NUP98: variants seen among roughly 807,000 people sequenced by gnomAD.
The protein encoded by NUP98 is nuclear pore complex protein Nup98-Nup96.
In NUP98, 26 loss-of-function variants were observed where a neutral mutation model predicts 191.9. The ratio of observed to expected loss-of-function variants is 0.14; its 90% CI spans 0.10 to 0.19. NUP98 has a LOEUF of 0.19. Among genes scored for constraint, NUP98 ranks in the 10% least tolerant of loss-of-function variants. NUP98 has a pLI of 1.00. For missense variants in NUP98, 1,941 were observed against 2,178.8 expected (o/e 0.89, Z 2.17); for synonymous variants, 808 against 778.4 (o/e 1.04, Z -0.63).
intron 1 of NUP98, 43 bp downstream of exon 1, chr11:3,797,357 A>C: frequency 2.5e-6 from 1 of 400,410 alleles, no homozygotes; most frequent in Non-Finnish European, 4.4e-6. Flanking sequence ...AGGGGGGAGA[A>C]ACCTGCCGGT....
chr11:3,751,385 A>C (rs181003697), intron 11 of NUP98, among the ~76,000 whole-genome samples: 28 of 152,160 alleles, frequency 1.8e-4, no homozygotes, highest in African/African-American at 6.3e-4. Context: ...TATAATCCTA[A>C]ACCCTAAATA....
chr11:3,741,259 G>T (rs1325673308), intron 12 of NUP98, among the ~76,000 whole-genome samples: 1 of 152,080 alleles, frequency 6.6e-6, no homozygotes, highest in East Asian at 1.9e-4. Context: ...CAAAAAAACT[G>T]TATCTAAGAA....
chr11:3,776,334 G>A (rs276887), intron 4 of NUP98, among the ~76,000 whole-genome samples: 51,745 of 151,058 alleles, frequency 0.34, 9,432 homozygotes, highest in African/African-American at 0.46. Flanking sequence ...CATGTTGCTC[G>A]GGCTAGTCTC....
At chr11:3,754,544 T>C (rs763803935) in intron 10 of NUP98, among the ~76,000 whole-genome samples, 7 of 152,202 alleles carry the variant, frequency 4.6e-5, no homozygotes, top group Non-Finnish European at 8.8e-5. Context: ...TTATTTTGAA[T>C]AGATGAACCT....
intron 25 of NUP98, among the ~76,000 whole-genome samples, chr11:3,696,443 A>G (rs2078508517): frequency 1.3e-5 from 2 of 152,088 alleles, no homozygotes; most frequent in Admixed American, 1.3e-4. Flanking sequence ...CAGAAGTTGC[A>G]GTAAACAGAG....
In NUP98 at chr11:3,702,963, C is replaced by CA; in HGVS notation, c.3083-72dup. Reference sequence around the variant, plus strand: ...CAAGCTATTGTTTCTTGAACAATAACAAAAATCAGTAAGGCTGAAATCATT... The same window carrying CA: ...CAAGCTATTGTTTCTTGAACAATAACAAAAAATCAGTAAGGCTGAAATCATT... On this transcript the variant is annotated intron_variant, in intron 22 of 32. Transcript: ENST00000324932. 2 of 1,258,040 alleles carry CA rather than the reference C, an allele frequency of 1.6e-6. 1 individual carries two copies. The highest frequency in any genetic ancestry group is 2.9e-5 in the South Asian group (2 of 68,884). 77.9% of individuals were successfully genotyped at this position (1,258,040 alleles called of 1,614,324 possible).
At chr11:3,761,125 G>C (rs974303220) in intron 9 of NUP98, among the ~76,000 whole-genome samples, 5 of 152,200 alleles carry the variant, frequency 3.3e-5, no homozygotes, top group Non-Finnish European at 7.3e-5. Flanking sequence ...CAAATCCATA[G>C]AGAGAAAGTA....
rs201001086 is a variant in NUP98, at chr11:3,779,171, A to C, written c.163T>G (p.Ser55Ala). The stretch of plus-strand genomic sequence containing the variant: ...AAGCCCCTACCTGGTTTAGTCTGTG[A>C]ATTTCCAAAGAGGCCTCCAGTATTG... Reference protein sequence around the residue: ...SNNTGGLFGNSQTKPGGLFGT... With the variant: ...SNNTGGLFGNAQTKPGGLFGT... The change falls in exon 3 of 33, where the codon TCA (serine) becomes GCA (alanine). Residue 55 changes from serine to alanine, a missense_variant. Physicochemically the swap from Ser to Ala is moderately conservative, Grantham distance 99. Transcript: ENST00000324932. 8.1e-6 allele frequency: 13 copies of C among 1,614,054 alleles called. No individual in the cohort carries two copies. The highest frequency in any genetic ancestry group is 1.1e-5 in the Non-Finnish European group (13 of 1,180,010).
chr11:3,678,862 C>T (rs897178639), intron 31 of NUP98, among the ~76,000 whole-genome samples: 14 of 152,144 alleles, frequency 9.2e-5, no homozygotes, highest in African/African-American at 3.1e-4. Context: ...AAGCTCATGC[C>T]TGTAATCCCA....
In NUP98 at chr11:3,712,621, T is replaced by C. The variant is rs1477194601; in HGVS notation, c.2685A>G (p.Ala895=). The stretch of plus-strand genomic sequence containing the variant: ...CCATCTGCAAGGGCGTAGTCTGGCT[T>C]GCAGGAGGCAAAGGAGCAGTCTTCA... The part of the protein sequence containing the change: ...KKLKTAPLPP[A]SQTTPLQMAL... Residue 895 remains alanine, a synonymous_variant, in exon 20 of 33, where the codon GCA becomes GCG. Coordinates refer to ENST00000324932, the MANE Select transcript of NUP98 (RefSeq NM_016320.5). The C allele has an allele frequency of 2.5e-6, 4 of 1,614,046 alleles. No individual in the cohort carries two copies. The highest frequency in any genetic ancestry group is 3.4e-6 in the Non-Finnish European group (4 of 1,180,018).
At chr11:3,719,910 T>C (rs1361402319) in intron 17 of NUP98, among the ~76,000 whole-genome samples, 2 of 151,620 alleles carry the variant, frequency 1.3e-5, no homozygotes, top group African/African-American at 2.4e-5. Flanking sequence ...CAAGCACATA[T>C]CATCAGGCCT....
At chr11:3,793,888 G>C (rs1200973316) in intron 1 of NUP98, among the ~76,000 whole-genome samples, 1 of 152,056 alleles carries the variant, frequency 6.6e-6, no homozygotes, top group Non-Finnish European at 1.5e-5. Flanking sequence ...AGAATTGCTT[G>C]AACCCACGAG....
chr11:3,797,486 T>A lies in NUP98; in HGVS notation c.-115A>T, dbSNP rs1029231712. On this transcript the variant is annotated 5_prime_UTR_variant, in exon 1 of 33. Transcript: ENST00000324932. ...GCAGCGCGCGGCCCCCACGAAACCG[T>A]CGCCGCCGCCGCTACCACCCCTGCC... 2 of 432,024 alleles carry A rather than the reference T, an allele frequency of 4.6e-6. No individual in the cohort carries two copies. The highest frequency in any genetic ancestry group is 8.8e-5 in the Admixed American group (2 of 22,828). 26.8% of individuals were successfully genotyped at this position (432,024 alleles called of 1,614,324 possible).
rs768914434 is a variant in NUP98, at chr11:3,779,137, T to C, written c.178+19A>G. On this transcript the variant is annotated intron_variant, in intron 3 of 32. Transcript: ENST00000324932. ...ACTAGCTACAAACAAACCAGTTATA[T>C]CACAAATAAAGCCCCTACCTGGTTT... The C allele has an allele frequency of 2.5e-6, 4 of 1,613,128 alleles. No individual in the cohort carries two copies. Among genetic ancestry groups the C allele is most frequent in the African/African-American group, 2.7e-5 (2 of 74,890 alleles).
intron 8 of NUP98, among the ~76,000 whole-genome samples, chr11:3,766,416 G>A (rs949978593): frequency 5.9e-5 from 9 of 151,790 alleles, no homozygotes; most frequent in South Asian, 2.1e-4. Flanking sequence ...AAGGCCAGGC[G>A]CAGTGGCTCA....
chr11:3,788,722 G>A (rs569218472), intron 1 of NUP98, among the ~76,000 whole-genome samples: 17 of 152,292 alleles, frequency 1.1e-4, no homozygotes, highest in Admixed American at 4.6e-4. Flanking sequence ...CAAAGTGGGC[G>A]GATCACCTGA....
In NUP98 at chr11:3,720,697, T is replaced by C; in HGVS notation, c.2260+15A>G. On this transcript the variant is annotated intron_variant, in intron 17 of 32. Transcript: ENST00000324932. ...ACTCTCTGGCTTAATCACTAAGTGC[T>C]AAACTCACACTTACCTTTCCGACCA... 2 of 1,370,706 alleles carry C rather than the reference T, an allele frequency of 1.5e-6. No individual in the cohort carries two copies. The highest frequency in any genetic ancestry group is 2.1e-6 in the Non-Finnish European group (2 of 965,098). 84.9% of individuals were successfully genotyped at this position (1,370,706 alleles called of 1,614,324 possible).
chr11:3,722,105 CTTT>C (rs923606079), intron 16 of NUP98, among the ~76,000 whole-genome samples: 12 of 108,266 alleles, frequency 1.1e-4, no homozygotes, highest in Admixed American at 9.7e-5. Flanking sequence ...ACCTGGAATT[CTTT>C]TTTTTTTTTT....
At chr11:3,724,657 G>A (rs1223633425) in intron 15 of NUP98, among the ~76,000 whole-genome samples, 3 of 151,272 alleles carry the variant, frequency 2.0e-5, no homozygotes, top group Non-Finnish European at 4.4e-5. Flanking sequence ...ATCAGGCATG[G>A]TGGCGGGTGC....
Sources: gnomAD v4.1 joint callset for allele counts (sites outside exome capture counted in the v4.1 genomes callset) on GRCh38, gnomAD v4.1.1 for gene constraint, MANE v1.5 for transcripts, NCBI Gene and HGNC (gene_info 2026-07-23, HGNC 2026-07-21) for gene names.